Variants in SEPTIN9 observed in about 807,000 individuals in gnomAD.
SEPTIN9 encodes septin 9.
Under a neutral mutation model 56.6 loss-of-function variants are expected in SEPTIN9, and 13 were observed. That is an observed-to-expected ratio of 0.23 (90% CI 0.15 to 0.37). The LOEUF (loss-of-function observed/expected upper bound fraction) is 0.37, where lower values mean the gene tolerates loss of function less well. SEPTIN9 is among the 10% of genes least tolerant of loss of function. SEPTIN9 has a pLI of 1.00. For synonymous variants in SEPTIN9, 332 were observed against 334.1 expected, an observed-to-expected ratio of 0.99 and a Z score of 0.07; for missense variants, 650 against 823.1, an observed-to-expected ratio of 0.79 and a Z score of 2.57.
intron 3 of SEPTIN9, among the ~76,000 whole-genome samples, chr17:77,478,492 G>A (rs1351069054): frequency 2.6e-5 from 4 of 152,164 alleles, no homozygotes; most frequent in African/African-American, 7.2e-5. Flanking sequence ...GAATGCCCGC[G>A]GTCAAATGAA....
intron 2 of SEPTIN9, among the ~76,000 whole-genome samples, chr17:77,341,503 G>A (rs144907827): frequency 2.0e-5 from 3 of 152,224 alleles, no homozygotes; most frequent in African/African-American, 7.2e-5. Flanking sequence ...CACTGGGCGC[G>A]GTGGCCCATG....
chr17:77,287,935 A>T (rs2031350915), intron 1 of SEPTIN9: 2 of 1,046,596 alleles, frequency 1.9e-6, no homozygotes, highest in South Asian at 9.2e-5. Context: ...CTCTGGCAGG[A>T]ACTCAAGTCG....
chr17:77,498,519 A>T lies in SEPTIN9; in HGVS notation c.1626-4A>T. 1 of 294,254 alleles carries T rather than the reference A, an allele frequency of 3.4e-6. No homozygotes were observed. The highest frequency in any genetic ancestry group is 5.6e-6 in the Non-Finnish European group (1 of 179,970). The allele number at this position is 294,254 out of a possible 1,614,324, so 18.2% of individuals were successfully genotyped here. A position where few individuals can be genotyped will look rare whatever the true frequency, so the allele number is the denominator to read the frequency against. On this transcript the variant is annotated splice_polypyrimidine_tract_variant and splice_region_variant and intron_variant, in intron 11 of 11. Transcript: ENST00000427177. ...ACTGACCCGCCCGCCCCCCACCCCC[A>T]CAGGACGCACATGCAGAACATCAAG...
intron 3 of SEPTIN9, among the ~76,000 whole-genome samples, chr17:77,411,928 A>G (rs932425287): frequency 6.6e-6 from 1 of 151,300 alleles, no homozygotes; most frequent in Non-Finnish European, 1.5e-5. Flanking sequence ...TCAGGAGTTC[A>G]AGACCAGCCT....
chr17:77,481,154 G>A (rs572419072), intron 3 of SEPTIN9, among the ~76,000 whole-genome samples: 44 of 152,306 alleles, frequency 2.9e-4, no homozygotes, highest in Admixed American at 5.2e-4. Context: ...GGCGTCTTCC[G>A]GGCGTCCGCC....
intron 2 of SEPTIN9, among the ~76,000 whole-genome samples, chr17:77,364,216 C>T (rs1598257653): frequency 2.0e-5 from 3 of 152,236 alleles, no homozygotes; most frequent in South Asian, 2.1e-4. Context: ...CTGCCTCCCA[C>T]GCAGAGCGTT....
At chr17:77,486,527 CACGCGCGCGCGT>C (rs1568114395) in intron 4 of SEPTIN9, among the ~76,000 whole-genome samples, 1 of 101,878 alleles carries the variant, frequency 9.8e-6, no homozygotes, top group African/African-American at 5.4e-5. Flanking sequence ...TGTGTGCGCG[CACGCGCGCGCGT>C]GTTATATGTG....
chr17:77,352,519 G>T (rs557817573), intron 2 of SEPTIN9, among the ~76,000 whole-genome samples: 4 of 152,312 alleles, frequency 2.6e-5, no homozygotes, highest in African/African-American at 7.2e-5. Flanking sequence ...TGGGGGTTCC[G>T]AGGGAGACTG....
intron 3 of SEPTIN9, among the ~76,000 whole-genome samples, chr17:77,441,955 C>T (rs7224637): frequency 0.024 from 3,699 of 152,246 alleles, 139 homozygotes; most frequent in African/African-American, 0.081. Context: ...GGAAGAAATA[C>T]ATTTCCTCTA....
chr17:77,300,560 T>G (rs2031993201), intron 1 of SEPTIN9, among the ~76,000 whole-genome samples: 1 of 152,178 alleles, frequency 6.6e-6, no homozygotes, highest in African/African-American at 2.4e-5. Flanking sequence ...GCTTGAGTAT[T>G]TTAGTTGTCC....
Position 77,498,512 on chromosome 17 carries a change from C to A in SEPTIN9, c.1626-11C>A, listed in dbSNP as rs765362143. 1.3e-5 allele frequency: 7 copies of A among 542,258 alleles called. No homozygotes were observed. The highest frequency in any genetic ancestry group is 2.4e-5 in the Non-Finnish European group (7 of 297,222). The allele number at this position is 542,258 out of a possible 1,614,324, so 33.6% of individuals were successfully genotyped here. A position where few individuals can be genotyped will look rare whatever the true frequency, so the allele number is the denominator to read the frequency against. On this transcript the variant is annotated splice_polypyrimidine_tract_variant and intron_variant, in intron 11 of 11. Coordinates refer to ENST00000427177, the MANE Select transcript of SEPTIN9 (RefSeq NM_001113491.2). ...CCACCTCACTGACCCGCCCGCCCCC[C>A]ACCCCCACAGGACGCACATGCAGAA...
Position 77,475,993 on chromosome 17 carries a change from C to T in SEPTIN9, c.722-6151C>T. 1 of 1,388,354 alleles carries T rather than the reference C, an allele frequency of 7.2e-7. No individual in the cohort carries two copies. The highest frequency in any genetic ancestry group is 9.9e-7 in the Non-Finnish European group (1 of 1,006,650). The allele number at this position is 1,388,354 out of a possible 1,614,324, so 86.0% of individuals were successfully genotyped here. A position where few individuals can be genotyped will look rare whatever the true frequency, so the allele number is the denominator to read the frequency against. On this transcript the variant is annotated intron_variant, in intron 3 of 11. Coordinates refer to ENST00000427177, the MANE Select transcript of SEPTIN9 (RefSeq NM_001113491.2). The surrounding 1 kb of genome is among the most constrained non-coding windows in gnomAD (Gnocchi z 4.6). Reference sequence around the variant, plus strand: ...AGACAGGGGAATGGCATTGACTTGACCCTGAGCACTTTGTCCTGGGGTGCA... The same window carrying T: ...AGACAGGGGAATGGCATTGACTTGATCCTGAGCACTTTGTCCTGGGGTGCA...
chr17:77,451,626 G>A lies in SEPTIN9; in HGVS notation c.722-30518G>A. 1.1e-6 allele frequency: 1 copy of A among 894,812 alleles called. No homozygotes were observed. 55.4% of individuals were successfully genotyped at this position (894,812 alleles called of 1,614,324 possible). On this transcript the variant is annotated intron_variant, in intron 3 of 11. Transcript: ENST00000427177. This position sits in a 1 kb window ranked among gnomAD's most constrained non-coding sequence, Gnocchi z 4.2. Reference sequence around the variant, plus strand: ...GGCGGACCCTGATGGCCATGGTGGCGGTGCCGGGAGCCACGCTGTCCCTGG... The same window carrying A: ...GGCGGACCCTGATGGCCATGGTGGCAGTGCCGGGAGCCACGCTGTCCCTGG...
intron 2 of SEPTIN9, among the ~76,000 whole-genome samples, chr17:77,385,066 T>G (rs2035285314): frequency 6.6e-6 from 1 of 152,112 alleles, no homozygotes; most frequent in South Asian, 2.1e-4. Context: ...GTTCATGGGC[T>G]CGTGCCCGTA....
chr17:77,404,416 T>C (rs1355893593), intron 3 of SEPTIN9, among the ~76,000 whole-genome samples: 3 of 152,162 alleles, frequency 2.0e-5, no homozygotes, highest in Admixed American at 6.5e-5. Context: ...TGGCTAATTT[T>C]TAAATTTTTT....
intron 2 of SEPTIN9, among the ~76,000 whole-genome samples, chr17:77,382,148 C>T (rs1311889994): frequency 6.6e-6 from 1 of 152,230 alleles, no homozygotes; most frequent in East Asian, 1.9e-4. Context: ...CTGCCTCAGC[C>T]TCCTGAGTAG....
At chr17:77,412,889 A>G (rs1313894446) in intron 3 of SEPTIN9, among the ~76,000 whole-genome samples, 1 of 152,110 alleles carries the variant, frequency 6.6e-6, no homozygotes, top group Non-Finnish European at 1.5e-5. Context: ...TGGAATTCAC[A>G]TCCTGTTTAG....
intron 3 of SEPTIN9, among the ~76,000 whole-genome samples, chr17:77,443,753 G>A (rs545957332): frequency 2.0e-5 from 3 of 151,802 alleles, no homozygotes; most frequent in South Asian, 2.1e-4. Context: ...AGCTGAGATC[G>A]CGCCACTACA....
At position 77,497,424 on chromosome 17, in the gene SEPTIN9, G is replaced by A. The variant is rs1031032823; in HGVS notation, c.1625+58G>A. ...GCTTCACCCCTAAGAGGGCCCTACA[G>A]CGGGTGGGGGCAGTGGGTGTGGGGC... On this transcript the variant is annotated intron_variant, in intron 11 of 11. Coordinates refer to ENST00000427177, the MANE Select transcript of SEPTIN9 (RefSeq NM_001113491.2). The A allele has an allele frequency of 5.9e-6, 9 of 1,525,404 alleles. No homozygotes were observed. The Admixed American group carries it at 1.6e-4, about 27-fold the overall frequency. The allele number at this position is 1,525,404 out of a possible 1,614,324, so 94.5% of individuals were successfully genotyped here.
Sources: gnomAD v4.1 joint callset for allele counts (sites outside exome capture counted in the v4.1 genomes callset) on GRCh38, gnomAD v4.1.1 for gene constraint, Gnocchi (gnomAD v3.1) non-coding constraint, MANE v1.5 for transcripts, NCBI Gene and HGNC (gene_info 2026-07-23, HGNC 2026-07-21) for gene names.